The following ISM1 variants were observed in gnomAD, a reference collection of about 807,000 sequenced individuals.
The protein encoded by ISM1 is isthmin 1.
Under a neutral mutation model 46.3 loss-of-function variants are expected in ISM1, and 25 were observed. The observed-to-expected ratio is 0.54, with a 90% CI of 0.39 to 0.75. ISM1 has a LOEUF of 0.75. Ranked by LOEUF, ISM1 falls within the 30% of genes least tolerant of loss-of-function variation. The pLI is 0.00. For synonymous variants in ISM1, 255 were observed against 256.7 expected (o/e 0.99, Z 0.06); for missense variants, 536 against 625.4 (o/e 0.86, Z 1.52).
At chr20:13,283,470 T>C (rs1465393929) in intron 3 of ISM1, among the ~76,000 whole-genome samples, 1 of 152,150 alleles carries the variant, frequency 6.6e-6, no homozygotes, top group Non-Finnish European at 1.5e-5. Context: ...TCCGCAAGGA[T>C]TATTTCTAAA....
chr20:13,255,877 C>G lies in ISM1; in HGVS notation c.139-14627C>G, dbSNP rs974195181. Among the ~76,000 whole-genome samples the G allele has an allele frequency of 2.0e-5, 3 of 152,010 alleles. No individual in the cohort carries two copies. In the East Asian group the frequency reaches 5.8e-4, roughly 29 times the overall value. The stretch of plus-strand genomic sequence containing the variant: ...AAATCCTGTTTGTTCATTCAGCCCA[C>G]CAACCAGCCATTCATTCATTCAGAG... On this transcript the variant is annotated intron_variant, in intron 1 of 5. Transcript: ENST00000262487.
At chr20:13,297,983 G>T (rs527660654) in intron 5 of ISM1, among the ~76,000 whole-genome samples, 1 of 152,276 alleles carries the variant, frequency 6.6e-6, no homozygotes, top group South Asian at 2.1e-4. Context: ...AGGTTAAGAG[G>T]CTGGGGGAAC....
chr20:13,221,781 T>G lies in ISM1; in HGVS notation c.5T>G (p.Val2Gly), dbSNP rs1479575084. Residue 2 changes from valine to glycine, a missense_variant, in exon 1 of 6, where the codon GTG (valine) becomes GGG (glycine). By Grantham distance (109) the Val-to-Gly change is moderately radical. Coordinates refer to ENST00000262487, the MANE Select transcript of ISM1 (RefSeq NM_080826.2). M[V>G]RLAAELLLLL... ...AAAGCCGCGCGTCTCAAAAGGATGG[T>G]GCGCCTGGCGGCCGAGCTGCTGCTG... The G allele has an allele frequency of 1.4e-6, 2 of 1,448,422 alleles. No homozygotes were observed. Among genetic ancestry groups the G allele is most frequent in the Non-Finnish European group, 9.0e-7 (1 of 1,105,814 alleles). 89.7% of individuals were successfully genotyped at this position (1,448,422 alleles called of 1,614,324 possible). A position where few individuals can be genotyped will look rare whatever the true frequency, so the allele number is the denominator to read the frequency against.
chr20:13,232,132 G>C (rs74967964), intron 1 of ISM1, among the ~76,000 whole-genome samples: 4,795 of 152,184 alleles, frequency 0.032, 261 homozygotes, highest in African/African-American at 0.11. Flanking sequence ...GGAGAAGAGT[G>C]GCAGTCATTT....
At chr20:13,291,934 A>C (rs1016039866) in intron 4 of ISM1, among the ~76,000 whole-genome samples, 2 of 152,200 alleles carry the variant, frequency 1.3e-5, no homozygotes, top group African/African-American at 4.8e-5. Flanking sequence ...CAGATGTAAA[A>C]ACTGAGGCAC....
At chr20:13,249,778 GCGTTTTGTTTTGTTTTGTTTTGTTT>G (rs375143919) in intron 1 of ISM1, among the ~76,000 whole-genome samples, 14,070 of 143,170 alleles carry the variant, frequency 0.098, 748 homozygotes, top group Middle Eastern at 0.15. Context: ...ATTTTTTGTT[GCGTTTTGTTTTGTTTTGTTTTGTTT>G]TGTTTTGTTT....
chr20:13,286,672 C>T (rs2040296877), intron 3 of ISM1, among the ~76,000 whole-genome samples: 1 of 152,182 alleles, frequency 6.6e-6, no homozygotes, highest in African/African-American at 2.4e-5. Flanking sequence ...CACCCCGCTC[C>T]TCCAATTCCA....
the ISM1 span, among the ~76,000 whole-genome samples, chr20:13,322,904 T>A: frequency 6.6e-6 from 1 of 152,182 alleles, no homozygotes; most frequent in Non-Finnish European, 1.5e-5. Flanking sequence ...TCTCTCAGCA[T>A]CTGAACTCTC....
the ISM1 span, among the ~76,000 whole-genome samples, chr20:13,325,152 C>G: frequency 6.6e-6 from 1 of 152,180 alleles, no homozygotes; most frequent in Non-Finnish European, 1.5e-5. Flanking sequence ...CACAGGACAG[C>G]CCGACAAATG....
chr20:13,313,096 C>T, the ISM1 span, among the ~76,000 whole-genome samples: 3 of 152,174 alleles, frequency 2.0e-5, no homozygotes, highest in Non-Finnish European at 2.9e-5. Context: ...GGCCCCATCC[C>T]ACCACCTTAA....
chr20:13,256,882 G>C (rs1243645573), intron 1 of ISM1, among the ~76,000 whole-genome samples: 1 of 152,142 alleles, frequency 6.6e-6, no homozygotes, highest in African/African-American at 2.4e-5. Flanking sequence ...TTTGAGCAAG[G>C]CTGGCATGGA....
intron 3 of ISM1, among the ~76,000 whole-genome samples, chr20:13,286,777 G>A (rs945166634): frequency 3.3e-5 from 5 of 152,190 alleles, no homozygotes; most frequent in African/African-American, 1.2e-4. Flanking sequence ...GCTGGCACGG[G>A]CCCACATTTC....
chr20:13,284,645 A>G (rs905219531), intron 3 of ISM1, among the ~76,000 whole-genome samples: 6 of 152,170 alleles, frequency 3.9e-5, no homozygotes, highest in African/African-American at 1.4e-4. Context: ...GAAATCCCCA[A>G]GAGGAGGGTC....
intron 1 of ISM1, among the ~76,000 whole-genome samples, chr20:13,258,586 C>T (rs2039952858): frequency 6.6e-6 from 1 of 152,074 alleles, no homozygotes; most frequent in Non-Finnish European, 1.5e-5. Context: ...TTGAACATCT[C>T]CCCCTTCATG....
At chr20:13,266,264 A>G (rs1418227020) in intron 1 of ISM1, among the ~76,000 whole-genome samples, 3 of 152,208 alleles carry the variant, frequency 2.0e-5, no homozygotes, top group Non-Finnish European at 2.9e-5. Context: ...ACTGCCATGT[A>G]AGGCAAAATG....
rs375053265 is a variant in ISM1, at chr20:13,231,925, T to C, written c.138+10011T>C. Among the ~76,000 whole-genome samples the C allele has an allele frequency of 3.9e-5, 6 of 152,194 alleles. No individual in the cohort carries two copies. In the East Asian group the frequency reaches 5.8e-4, roughly 15 times the overall value. On this transcript the variant is annotated intron_variant, in intron 1 of 5. Coordinates refer to ENST00000262487, the MANE Select transcript of ISM1 (RefSeq NM_080826.2). ...ATTGATGTCATCTGGACACCACTTA[T>C]CTATTTTCAAAAATAACAAAGTATG...
At chr20:13,279,546 C>A in intron 2 of ISM1, 88 bp from the exon 3 acceptor site, 1 of 1,319,764 alleles carries the variant, frequency 7.6e-7, no homozygotes, top group East Asian at 2.5e-5. Context: ...CATCATTTCC[C>A]TCTGCCCTCT....
chr20:13,309,058 T>C, the ISM1 span, among the ~76,000 whole-genome samples: 1 of 152,212 alleles, frequency 6.6e-6, no homozygotes, highest in East Asian at 1.9e-4. Context: ...TAGTTTGTTG[T>C]ATCAGCCTGA....
intron 1 of ISM1, among the ~76,000 whole-genome samples, chr20:13,269,990 G>A: frequency 7.3e-6 from 1 of 136,382 alleles, no homozygotes; most frequent in Non-Finnish European, 1.6e-5. Context: ...AATGGAGTAT[G>A]GATGGGTTGA....
Sources: allele counts gnomAD v4.1 joint callset (sites outside exome capture counted in the v4.1 genomes callset), GRCh38; gene constraint gnomAD v4.1.1; transcripts MANE v1.5; gene names NCBI Gene and HGNC (gene_info 2026-07-23, HGNC 2026-07-21).